CENPF: variants seen among roughly 807,000 people sequenced by gnomAD.
The protein encoded by CENPF is centromere protein F.
A neutral mutation model predicts 307.3 loss-of-function variants in CENPF; 214 were observed. The observed-to-expected ratio is 0.70, with a 90% CI of 0.62 to 0.78. The LOEUF (loss-of-function observed/expected upper bound fraction) is 0.78, where lower values mean the gene tolerates loss of function less well. Ranked by LOEUF, CENPF falls within the 30% of genes least tolerant of loss-of-function variation. CENPF has a pLI of 0.00. For synonymous variants in CENPF, 1,259 were observed against 1,270.6 expected (o/e 0.99, Z 0.19); for missense variants, 3,401 against 3,483.9 (o/e 0.98, Z 0.60).
At position 214,644,736 on chromosome 1, in the gene CENPF, T is replaced by TG; in HGVS notation, c.5170dup (p.Glu1724GlyfsTer9). On this transcript the variant is annotated frameshift_variant, in exon 13 of 20. Coordinates refer to ENST00000366955, the MANE Select transcript of CENPF (RefSeq NM_016343.4). LOFTEE classifies it high-confidence loss of function. ...CAGTGAAACCCACAGGAGAGTGCTC[T>TG]GGGGAACAGTCCCCAGATACCAATT... 1 of 1,613,966 alleles carries TG rather than the reference T, an allele frequency of 6.2e-7. No homozygotes were observed. The highest frequency in any genetic ancestry group is 8.5e-7 in the Non-Finnish European group (1 of 1,179,950).
rs776469793 is a variant in CENPF at position 214,657,028 on chromosome 1, T to C, written c.8581T>C (p.Leu2861=). The C allele has an allele frequency of 4.3e-6, 7 of 1,613,878 alleles. No homozygotes were observed. In the African/African-American group the frequency reaches 5.3e-5, roughly 12 times the overall value. The change falls in exon 18 of 20, where the codon TTG becomes CTG. Residue 2861 remains leucine (L), a synonymous_variant. Coordinates refer to ENST00000366955, the MANE Select transcript of CENPF (RefSeq NM_016343.4). ...EEKTKEADEY[L]DKYCSLLISH... ...AAAAACCAAGGAGGCAGATGAATAC[T>C]TGGATAAGTACTGTTCCTTGCTTAT...
At position 214,641,226 on chromosome 1, in the gene CENPF, C is replaced by G; in HGVS notation, c.2888C>G (p.Ser963Cys). 1 of 1,606,466 alleles carries G rather than the reference C, an allele frequency of 6.2e-7. No individual in the cohort carries two copies. Among genetic ancestry groups the G allele is most frequent in the Non-Finnish European group, 8.5e-7 (1 of 1,178,120 alleles). ...AAGAAAGAAATGAGTTCCATCATTT[C>G]TCTAAATAAAAGGGAAATTGAAGAG... is the stretch of plus-strand genomic sequence containing the variant. ...LEKKEMSSIISLNKREIEELT... is the reference protein window; with the variant it reads ...LEKKEMSSIICLNKREIEELT... The change falls in exon 12 of 20, where the codon TCT becomes TGT. Residue 963 changes from serine to cysteine, a missense_variant. Transcript: ENST00000366955.
intron 12 of CENPF, among the ~76,000 whole-genome samples, chr1:214,644,098 A>G (rs146710856): frequency 2.2e-4 from 33 of 152,340 alleles, no homozygotes; most frequent in African/African-American, 7.2e-4. Context: ...ATGTACAGTA[A>G]GTGCTGGATT....
chr1:214,637,714 G>A, intron 10 of CENPF, 152 bp from the exon 11 acceptor site: 1 of 648,216 alleles, frequency 1.5e-6, no homozygotes, highest in Non-Finnish European at 2.5e-6. Flanking sequence ...AAGTAAGAAT[G>A]TCTGACTTCA....
intron 14 of CENPF, among the ~76,000 whole-genome samples, chr1:214,649,560 A>C (rs1247713963): frequency 2.0e-5 from 3 of 152,226 alleles, no homozygotes; most frequent in African/African-American, 7.2e-5. Context: ...ATTTGAAATG[A>C]TACATGTAAT....
intron 10 of CENPF, 53 bp downstream of exon 10, chr1:214,632,655 G>A (rs867458382): frequency 6.3e-6 from 10 of 1,598,612 alleles, no homozygotes; most frequent in Middle Eastern, 3.3e-4. Flanking sequence ...CCAAGTGCAA[G>A]GGGAAAAGAA....
rs769248511 is a variant in CENPF, at chr1:214,642,642, T to G, written c.4304T>G (p.Leu1435Arg). The change falls in exon 12 of 20, where the codon CTG becomes CGG. Residue 1435 changes from leucine (L) to arginine (R), a missense_variant. By Grantham distance (102) the Leu-to-Arg change is moderately radical (BLOSUM62 -2). Coordinates refer to ENST00000366955, the MANE Select transcript of CENPF (RefSeq NM_016343.4). ...CAGATGAGCTCTAAAATGTCAGAGC[T>G]GCAGACCTATGTTGACTCATTAAAG... ...HCQMSSKMSE[L>R]QTYVDSLKAE... 2 of 1,614,026 alleles carry G rather than the reference T, an allele frequency of 1.2e-6. No individual in the cohort carries two copies. The highest frequency in any genetic ancestry group is 1.1e-5 in the South Asian group (1 of 91,060).
At chr1:214,605,410 C>CA (rs1656993745) in intron 1 of CENPF, 2 of 446,574 alleles carry the variant, frequency 4.5e-6, no homozygotes, top group Non-Finnish European at 8.1e-6. Context: ...GTCATACATC[C>CA]GTAAGTGCCT....
At chr1:214,633,095 G>A (rs555399700) in intron 10 of CENPF, among the ~76,000 whole-genome samples, 2 of 152,282 alleles carry the variant, frequency 1.3e-5, no homozygotes, top group Admixed American at 6.5e-5. Flanking sequence ...AGAGTTTCTA[G>A]ATTAAAAATT....
At chr1:214,608,388 A>G in intron 1 of CENPF, 1 of 1,613,364 alleles carries the variant, frequency 6.2e-7, no homozygotes, top group East Asian at 2.2e-5. Context: ...CCGAGCTGGC[A>G]CCGTAGCCGG....
At chr1:214,650,813 G>A (rs942303987) in intron 14 of CENPF, among the ~76,000 whole-genome samples, 4 of 152,100 alleles carry the variant, frequency 2.6e-5, no homozygotes, top group Non-Finnish European at 5.9e-5. Context: ...CTGAGCCCTG[G>A]AGATTGAGGC....
At chr1:214,660,220 T>C (rs1462675389) in intron 19 of CENPF, among the ~76,000 whole-genome samples, 1 of 152,228 alleles carries the variant, frequency 6.6e-6, no homozygotes, top group African/African-American at 2.4e-5. Context: ...TTGTTCATCA[T>C]ATACATTATA....
chr1:214,622,037 G>T (rs760811722), intron 6 of CENPF, 42 bp from the exon 7 acceptor site: 82 of 1,459,038 alleles, frequency 5.6e-5, no homozygotes, highest in Non-Finnish European at 2.5e-5. Context: ...TTTTGGGAAA[G>T]ATATATATGA....
chr1:214,623,803 A>G (rs1484058597), intron 7 of CENPF, among the ~76,000 whole-genome samples: 1 of 152,190 alleles, frequency 6.6e-6, no homozygotes, highest in African/African-American at 2.4e-5. Context: ...CTTCATCTTA[A>G]TAGAGGGAGG....
At chr1:214,634,854 T>C (rs1408726192) in intron 10 of CENPF, among the ~76,000 whole-genome samples, 1 of 152,250 alleles carries the variant, frequency 6.6e-6, no homozygotes, top group African/African-American at 2.4e-5. Context: ...TTATAGGTTT[T>C]GGATGCCGAA....
At chr1:214,656,876 C>G in intron 17 of CENPF, 57 bp from the exon 18 acceptor site, 1 of 1,132,388 alleles carries the variant, frequency 8.8e-7, no homozygotes, top group Non-Finnish European at 1.3e-6. Context: ...TCACGATGCC[C>G]ATTGTTAACT....
At chr1:214,624,266 T>C (rs937733853) in intron 7 of CENPF, among the ~76,000 whole-genome samples, 12 of 152,150 alleles carry the variant, frequency 7.9e-5, no homozygotes, top group African/African-American at 2.9e-4. Flanking sequence ...CTTTGTTTGA[T>C]ATTTGTATCA....
intron 1 of CENPF, chr1:214,605,661 G>T (rs1171511618): frequency 1.7e-5 from 26 of 1,566,152 alleles, no homozygotes; most frequent in Non-Finnish European, 1.9e-5. Context: ...AGGTCTGGCC[G>T]GTTGGTGCCG....
At chr1:214,647,486 A>T in intron 13 of CENPF, 86 bp downstream of exon 13, 4 of 1,412,148 alleles carry the variant, frequency 2.8e-6, no homozygotes, top group Non-Finnish European at 2.8e-6. Context: ...AATTGTATTT[A>T]CTTCTAGACC....
Sources: allele counts gnomAD v4.1 joint callset (sites outside exome capture counted in the v4.1 genomes callset), GRCh38; gene constraint gnomAD v4.1.1; transcripts MANE v1.5; gene names NCBI Gene and HGNC (gene_info 2026-07-23, HGNC 2026-07-21).